CACNA1B: variants seen among roughly 807,000 people sequenced by gnomAD.
CACNA1B encodes the protein voltage-dependent N-type calcium channel subunit alpha-1B.
A neutral mutation model predicts 247.2 loss-of-function variants in CACNA1B; 70 were observed. The ratio of observed to expected loss-of-function variants is 0.28; its 90% CI spans 0.23 to 0.35. The LOEUF is 0.35. CACNA1B is among the 10% of genes least tolerant of loss of function. The pLI is 1.00. For synonymous variants in CACNA1B, 1,231 were observed against 1,294.4 expected (o/e 0.95, Z 1.05); for missense variants, 2,367 against 3,197.4 (o/e 0.74, Z 6.26).
In CACNA1B at chr9:138,102,250, C is replaced by T. The variant is rs1320680361; in HGVS notation, c.5223-461C>T. On this transcript the variant is annotated intron_variant, in intron 37 of 46. Coordinates refer to ENST00000371372, the MANE Select transcript of CACNA1B (RefSeq NM_000718.4). The surrounding 1 kb of genome is among the most constrained non-coding windows in gnomAD (Gnocchi z 5.4). The stretch of plus-strand genomic sequence containing the variant: ...ATCTGACCGTGAGGAAAGCTGATGT[C>T]TCTGCCGTGGTTCTCAGCCACTGCC... Among the ~76,000 whole-genome samples the T allele has an allele frequency of 1.3e-5, 2 of 152,216 alleles. No homozygotes were observed. The highest frequency in any genetic ancestry group is 2.4e-5 in the African/African-American group (1 of 41,452).
Position 138,121,535 on chromosome 9 carries a change from G to T in CACNA1B, c.6556G>T (p.Gly2186Trp). ...TGGTGCTAGCACCCCCGGCCGCGGTGGGCGGAGGCAGCTCCCCCAGACGCC... is the reference window on the plus strand; with the variant it reads ...TGGTGCTAGCACCCCCGGCCGCGGTTGGCGGAGGCAGCTCCCCCAGACGCC... Reference protein sequence around the residue: ...TSGASTPGRGGRRQLPQTPLT... With the variant: ...TSGASTPGRGWRRQLPQTPLT... The change falls in exon 47 of 47, where the codon GGG becomes TGG. Residue 2186 changes from glycine to tryptophan, a missense_variant. This residue lies in a region of CACNA1B where 773 missense variants were observed against 779.4 expected (regional missense o/e 0.99). Transcript: ENST00000371372. The surrounding 1 kb of genome is among the most constrained non-coding windows in gnomAD (Gnocchi z 6.8). 1 of 1,587,820 alleles carries T rather than the reference G, an allele frequency of 6.3e-7. No homozygotes were observed. Among genetic ancestry groups the T allele is most frequent in the South Asian group, 1.1e-5 (1 of 87,060 alleles).
rs752912258 is a variant in CACNA1B, at chr9:138,094,457, A to AAAAAAAAAAAAAAAAAAAGAAG, written c.5095-2025_5095-2024insAAAAAAAAAAAAAAAAGAAGAA. Among the ~76,000 whole-genome samples, 35 of 134,834 alleles carry AAAAAAAAAAAAAAAAAAAGAAG rather than the reference A, an allele frequency of 2.6e-4. 1 individual carries two copies. In the East Asian group the frequency reaches 2.9e-3, roughly 11 times the overall value. 88.5% of individuals were successfully genotyped at this position (134,834 alleles called of 152,430 possible). A position where few individuals can be genotyped will look rare whatever the true frequency, so the allele number is the denominator to read the frequency against. ...TTTACTACAGTAAAAAAAAAAAAAA[A>AAAAAAAAAAAAAAAAAAAGAAG]AAGAAGAAGAAGAAGAAAGTGAACA... is the stretch of plus-strand genomic sequence containing the variant. On this transcript the variant is annotated intron_variant, in intron 36 of 46. Coordinates refer to ENST00000371372, the MANE Select transcript of CACNA1B (RefSeq NM_000718.4).
At position 137,990,892 on chromosome 9, in the gene CACNA1B, C is replaced by T. The variant is rs961685215; in HGVS notation, c.1974+4038C>T. ...TTGGCTCTCAGGAAGCCCCATTCCT[C>T]AGGGCAGGGGGAGAACACCACATCA... is the stretch of plus-strand genomic sequence containing the variant. On this transcript the variant is annotated intron_variant, in intron 15 of 46. Transcript: ENST00000371372. The surrounding 1 kb of genome is among the most constrained non-coding windows in gnomAD (Gnocchi z 4.5). 4.6e-5 allele frequency among the ~76,000 whole-genome samples: 7 copies of T among 152,210 alleles called. No individual in the cohort carries two copies. Among genetic ancestry groups the T allele is most frequent in the Admixed American group, 3.9e-4 (6 of 15,286 alleles).
At chr9:138,000,185 G>T (rs890367398) in intron 15 of CACNA1B, among the ~76,000 whole-genome samples, 1 of 150,286 alleles carries the variant, frequency 6.7e-6, no homozygotes, top group Non-Finnish European at 1.5e-5. Context: ...TGCAAGCTCC[G>T]CCTCCCGGGT....
At chr9:137,949,260 C>T (rs373940032) in intron 6 of CACNA1B, among the ~76,000 whole-genome samples, 67 of 1,580 alleles carry the variant, frequency 0.042, 1 homozygote, top group East Asian at 0.34. Context: ...GTGTGTGGTG[C>T]GTGTGTGTGT....
At chr9:138,060,121 GTCTC>G (rs1249297125) in intron 31 of CACNA1B, among the ~76,000 whole-genome samples, 1 of 151,994 alleles carries the variant, frequency 6.6e-6, no homozygotes. Context: ...GCCCCCCACC[GTCTC>G]TCTATCTCTC....
chr9:138,057,934 C>T lies in CACNA1B; in HGVS notation c.4106+65C>T. Reference sequence around the variant, plus strand: ...CCCCTGAGCTCGGCCTCCCTTCCTCCCTCTATCCCTGGGCTCAGGCATGGA... The same window carrying T: ...CCCCTGAGCTCGGCCTCCCTTCCTCTCTCTATCCCTGGGCTCAGGCATGGA... On this transcript the variant is annotated intron_variant, in intron 27 of 46. Coordinates refer to ENST00000371372, the MANE Select transcript of CACNA1B (RefSeq NM_000718.4). The surrounding 1 kb of genome is among the most constrained non-coding windows in gnomAD (Gnocchi z 4.0). The T allele has an allele frequency of 1.3e-6, 2 of 1,576,036 alleles. No homozygotes were observed. Among genetic ancestry groups the T allele is most frequent in the Non-Finnish European group, 1.7e-6 (2 of 1,151,398 alleles).
rs766202422 is a variant in CACNA1B at position 138,118,750 on chromosome 9, C to T, written c.6012C>T (p.Arg2004=). ...AGGGTCGAGCGGCCTCCATGCCCCG[C>T]CTTGCGGCCGAGACTCAGGTAGGTG... ...ESQGRAASMP[R]LAAETQPVTD... Residue 2004 remains arginine (R), a synonymous_variant, in exon 44 of 47, where the codon CGC becomes CGT. Coordinates refer to ENST00000371372, the MANE Select transcript of CACNA1B (RefSeq NM_000718.4). 2.0e-6 allele frequency: 3 copies of T among 1,522,764 alleles called. 1 individual carries two copies. In the South Asian group the frequency reaches 3.6e-5, roughly 18 times the overall value. 94.3% of individuals were successfully genotyped at this position (1,522,764 alleles called of 1,614,324 possible).
At position 138,051,268 on chromosome 9, in the gene CACNA1B, C is replaced by A. The variant is rs1336764098; in HGVS notation, c.3711-824C>A. On this transcript the variant is annotated intron_variant, in intron 24 of 46. Transcript: ENST00000371372. This position sits in a 1 kb window ranked among gnomAD's most constrained non-coding sequence, Gnocchi z 4.3. ...CTGCGTCCCTGACAGGTAGAGGCAG[C>A]TGCCTGGGTCTGTCCTGGCTTTTTC... Among the ~76,000 whole-genome samples the A allele has an allele frequency of 1.3e-5, 2 of 152,070 alleles. No individual in the cohort carries two copies. Among genetic ancestry groups the A allele is most frequent in the Non-Finnish European group, 2.9e-5 (2 of 68,012 alleles).
intron 3 of CACNA1B, among the ~76,000 whole-genome samples, chr9:137,893,094 C>T (rs899359095): frequency 1.3e-5 from 2 of 152,192 alleles, no homozygotes; most frequent in Admixed American, 1.3e-4. Flanking sequence ...CCAGGAGGTG[C>T]CTTTACTCCA....
At chr9:138,087,713 C>CAAAAAAAAAA (rs57138546) in intron 36 of CACNA1B, among the ~76,000 whole-genome samples, 5 of 35,444 alleles carry the variant, frequency 1.4e-4, no homozygotes, top group South Asian at 1.2e-3. Context: ...GACTCCGTCT[C>CAAAAAAAAAA]AAAAAAAAAA....
rs908666752 is a variant in CACNA1B, at chr9:138,011,858, T to C, written c.2161-1271T>C. ...AGGACATTTTAGGGAACACTGGGAA[T>C]GCTGGCTCCCAGGGGAGCCAGGTGG... is the stretch of plus-strand genomic sequence containing the variant. On this transcript the variant is annotated intron_variant, in intron 17 of 46. Transcript: ENST00000371372. The surrounding 1 kb of genome is among the most constrained non-coding windows in gnomAD (Gnocchi z 4.2). Among the ~76,000 whole-genome samples, 4 of 152,190 alleles carry C rather than the reference T, an allele frequency of 2.6e-5. No individual in the cohort carries two copies. The highest frequency in any genetic ancestry group is 5.9e-5 in the Non-Finnish European group (4 of 68,016).
rs1961231338 is a variant in CACNA1B at position 138,100,978 on chromosome 9, C to G, written c.5223-1733C>G. The G allele has an allele frequency of 2.4e-6, 1 of 422,216 alleles. No individual in the cohort carries two copies. Among genetic ancestry groups the G allele is most frequent in the Admixed American group, 2.4e-5 (1 of 40,908 alleles). The allele number at this position is 422,216 out of a possible 1,614,324, so 26.2% of individuals were successfully genotyped here. ...GTACCCCGGCGAGGTGCCACCTGTCCAGTGCACCCCTCACCTCCGCCGCCA... is the reference window on the plus strand; with the variant it reads ...GTACCCCGGCGAGGTGCCACCTGTCGAGTGCACCCCTCACCTCCGCCGCCA... On this transcript the variant is annotated intron_variant, in intron 37 of 46. Transcript: ENST00000371372. The surrounding 1 kb of genome is among the most constrained non-coding windows in gnomAD (Gnocchi z 4.6).
intron 11 of CACNA1B, among the ~76,000 whole-genome samples, chr9:137,975,386 T>G (rs1228303391): frequency 6.6e-6 from 1 of 151,966 alleles, no homozygotes; most frequent in Non-Finnish European, 1.5e-5. Flanking sequence ...CACAGTGCCG[T>G]GGACATTGTG....
rs539703505 is a variant in CACNA1B at position 137,942,889 on chromosome 9, G to A, written c.967-9385G>A. 6.1e-4 allele frequency among the ~76,000 whole-genome samples: 93 copies of A among 152,200 alleles called. 2 individuals are homozygous for A. The South Asian group carries it at 0.018, about 29-fold the overall frequency. On this transcript the variant is annotated intron_variant, in intron 6 of 46. Coordinates refer to ENST00000371372, the MANE Select transcript of CACNA1B (RefSeq NM_000718.4). ...TACACTGCTTGGGTGATAGGTGCACGAAAATCTCATAAATCACCACTAAAG... is the reference window on the plus strand; with the variant it reads ...TACACTGCTTGGGTGATAGGTGCACAAAAATCTCATAAATCACCACTAAAG...
intron 18 of CACNA1B, among the ~76,000 whole-genome samples, chr9:138,013,952 G>C (rs1161095200): frequency 6.6e-6 from 1 of 152,210 alleles, no homozygotes; most frequent in East Asian, 1.9e-4. Context: ...TTTAGCTCTG[G>C]AGCCACTAGC....
chr9:138,119,273 A>T (rs367724402), intron 44 of CACNA1B, among the ~76,000 whole-genome samples: 58 of 152,136 alleles, frequency 3.8e-4, no homozygotes, highest in African/African-American at 1.3e-3. Flanking sequence ...TGGGACATGC[A>T]CACTGGATTC....
chr9:137,911,255 A>C (rs1455911533), intron 3 of CACNA1B, among the ~76,000 whole-genome samples: 1 of 151,996 alleles, frequency 6.6e-6, no homozygotes, highest in South Asian at 2.1e-4. Context: ...TTTGTTTAAT[A>C]GTTTACTGTT....
Position 138,043,873 on chromosome 9 carries a change from C to T in CACNA1B, c.3386C>T (p.Ser1129Phe). The T allele has an allele frequency of 6.2e-7, 1 of 1,614,010 alleles. No homozygotes were observed. Among genetic ancestry groups the T allele is most frequent in the Non-Finnish European group, 8.5e-7 (1 of 1,179,876 alleles). ...CCCCGGCCTATCGTCCCATACAGCTCCATGTTCTGTTTAAGCCCCACCAAC... is the reference window on the plus strand; with the variant it reads ...CCCCGGCCTATCGTCCCATACAGCTTCATGTTCTGTTTAAGCCCCACCAAC... Reference protein sequence around the residue: ...SGPRPIVPYSSMFCLSPTNLL... With the variant: ...SGPRPIVPYSFMFCLSPTNLL... Residue 1129 changes from serine to phenylalanine, a missense_variant, in exon 21 of 47, where the codon TCC becomes TTC. Coordinates refer to ENST00000371372, the MANE Select transcript of CACNA1B (RefSeq NM_000718.4).
Sources: gnomAD v4.1 joint callset for allele counts (sites outside exome capture counted in the v4.1 genomes callset) on GRCh38, gnomAD v4.1.1 for gene constraint, gnomAD v4.1.1 regional missense constraint, Gnocchi (gnomAD v3.1) non-coding constraint, MANE v1.5 for transcripts, NCBI Gene and HGNC (gene_info 2026-07-23, HGNC 2026-07-21) for gene names.